Variants in TUB observed in about 807,000 individuals in gnomAD.
The protein encoded by TUB is TUB bipartite transcription factor.
In TUB, 33 loss-of-function variants were observed where a neutral mutation model predicts 59.7. The observed-to-expected ratio is 0.55, with a 90% confidence interval of 0.42 to 0.74. The LOEUF (loss-of-function observed/expected upper bound fraction) is 0.74. Among genes scored for constraint, TUB ranks in the 30% least tolerant of loss-of-function variants. The pLI is 0.00. For synonymous variants in TUB, 293 were observed against 256.4 expected (o/e 1.14, Z -1.36); for missense variants, 659 against 672.0 (o/e 0.98, Z 0.21).
intron 1 of TUB, among the ~76,000 whole-genome samples, chr11:8,031,546 C>G (rs889342801): frequency 2.6e-5 from 4 of 152,198 alleles, no homozygotes; most frequent in African/African-American, 9.7e-5. Context: ...AGGCCCAACC[C>G]ATGGGAGTTG....
chr11:8,097,904 T>C, intron 8 of TUB, 78 bp downstream of exon 8: 1 of 1,101,742 alleles, frequency 9.1e-7, no homozygotes, highest in Middle Eastern at 2.2e-4. Flanking sequence ...GGCCTGAATC[T>C]TCCTGAAGGA....
chr11:8,085,627 T>C (rs1231428439), intron 1 of TUB, among the ~76,000 whole-genome samples: 7 of 152,192 alleles, frequency 4.6e-5, no homozygotes, highest in Non-Finnish European at 1.0e-4. Context: ...CAGGGGTAGC[T>C]TCCACTGTGA....
Position 8,081,459 on chromosome 11 carries a change from C to T in TUB, c.-52C>T. On this transcript the variant is annotated 5_prime_UTR_variant, in exon 1 of 12. Transcript: ENST00000299506. ...GCTGAGCAGGGCCCCCGCGCCGGCC[C>T]CTCCGGGCCCCGGCCTCCAGAGCCG... 4 of 1,413,242 alleles carry T rather than the reference C, an allele frequency of 2.8e-6. No homozygotes were observed. Among genetic ancestry groups the T allele is most frequent in the Non-Finnish European group, 3.7e-6 (4 of 1,087,354 alleles). 87.5% of individuals were successfully genotyped at this position (1,413,242 alleles called of 1,614,324 possible). A position where few individuals can be genotyped will look rare whatever the true frequency, so the allele number is the denominator to read the frequency against.
At chr11:8,023,292 G>A (rs577876524) in intron 1 of TUB, among the ~76,000 whole-genome samples, 1 of 152,288 alleles carries the variant, frequency 6.6e-6, no homozygotes, top group South Asian at 2.1e-4. Context: ...CATTTCAGGG[G>A]TGGGGAAACA....
rs754417087 is a variant in TUB, at chr11:8,081,567, G to C, written c.38+19G>C. 5.2e-5 allele frequency: 79 copies of C among 1,524,836 alleles called. No individual in the cohort carries two copies. In the East Asian group the frequency reaches 1.8e-3, roughly 34 times the overall value. The allele number at this position is 1,524,836 out of a possible 1,614,324, so 94.5% of individuals were successfully genotyped here. A position where few individuals can be genotyped will look rare whatever the true frequency, so the allele number is the denominator to read the frequency against. Reference sequence around the variant, plus strand: ...CCTACAGGTACGCGGGCGCCGGGCCGGGGCGCCCACCACTCCCGACTCGGG... The same window carrying C: ...CCTACAGGTACGCGGGCGCCGGGCCCGGGCGCCCACCACTCCCGACTCGGG... On this transcript the variant is annotated intron_variant, in intron 1 of 11. Transcript: ENST00000299506.
At chr11:8,096,560 T>G (rs527660201) in intron 5 of TUB, 125 bp from the exon 6 acceptor site, 5 of 713,796 alleles carry the variant, frequency 7.0e-6, no homozygotes, top group East Asian at 2.5e-5. Flanking sequence ...TGGCTAAGAG[T>G]GTGTGCATAA....
chr11:8,026,793 A>G (rs941531446), intron 1 of TUB, among the ~76,000 whole-genome samples: 11 of 152,174 alleles, frequency 7.2e-5, no homozygotes, highest in African/African-American at 1.9e-4. Context: ...CATCCCCCCA[A>G]AAAACCTGCT....
Position 8,101,857 on chromosome 11 carries a change from C to CGAG in TUB, c.*238_*239insGAG. Reference sequence around the variant, plus strand: ...AGGGATGAGAATAATTCTTTCCATGCCACGAGATCAACACACACTCCCACC... The same window carrying CGAG: ...AGGGATGAGAATAATTCTTTCCATGCGAGCACGAGATCAACACACACTCCCACC... On this transcript the variant is annotated 3_prime_UTR_variant, in exon 12 of 12. Coordinates refer to ENST00000299506, the MANE Select transcript of TUB (RefSeq NM_177972.3). 6.9e-6 allele frequency: 4 copies of CGAG among 576,020 alleles called. No homozygotes were observed. The highest frequency in any genetic ancestry group is 2.4e-5 in the South Asian group (1 of 40,964). The allele number at this position is 576,020 out of a possible 1,614,324, so 35.7% of individuals were successfully genotyped here. A position where few individuals can be genotyped will look rare whatever the true frequency, so the allele number is the denominator to read the frequency against.
chr11:8,085,518 G>A lies in TUB; in HGVS notation c.38+3970G>A, dbSNP rs542228001. Among the ~76,000 whole-genome samples the A allele has an allele frequency of 1.6e-4, 24 of 152,332 alleles. 1 individual carries two copies. In the South Asian group the frequency reaches 4.8e-3, roughly 30 times the overall value. On this transcript the variant is annotated intron_variant, in intron 1 of 11. Transcript: ENST00000299506. ...CAGAAGCCACAGATCTGGACTTGCCGGGGGTCCAGGGTTGCAGCCAGGGGC... is the reference window on the plus strand; with the variant it reads ...CAGAAGCCACAGATCTGGACTTGCCAGGGGTCCAGGGTTGCAGCCAGGGGC...
At position 8,081,565 on chromosome 11, in the gene TUB, C is replaced by G; in HGVS notation, c.38+17C>G. 2 of 1,526,796 alleles carry G rather than the reference C, an allele frequency of 1.3e-6. No individual in the cohort carries two copies. Among genetic ancestry groups the G allele is most frequent in the Non-Finnish European group, 1.8e-6 (2 of 1,141,016 alleles). The allele number at this position is 1,526,796 out of a possible 1,614,324, so 94.6% of individuals were successfully genotyped here. A position where few individuals can be genotyped will look rare whatever the true frequency, so the allele number is the denominator to read the frequency against. Reference sequence around the variant, plus strand: ...TCCCTACAGGTACGCGGGCGCCGGGCCGGGGCGCCCACCACTCCCGACTCG... The same window carrying G: ...TCCCTACAGGTACGCGGGCGCCGGGGCGGGGCGCCCACCACTCCCGACTCG... On this transcript the variant is annotated intron_variant, in intron 1 of 11. Transcript: ENST00000299506.
At chr11:8,039,598 G>A in intron 1 of TUB, 2 of 1,425,874 alleles carry the variant, frequency 1.4e-6, no homozygotes, top group Admixed American at 2.7e-5. Flanking sequence ...GGATGATGAG[G>A]TGAGGCTGCA....
chr11:8,079,658 GCA>G (rs1461193709), upstream of TUB, among the ~76,000 whole-genome samples: 2 of 120,868 alleles, frequency 1.7e-5, no homozygotes, highest in Non-Finnish European at 3.9e-5. Flanking sequence ...ATGTGTGTGT[GCA>G]TGCATGTGTG....
chr11:8,089,459 A>G, intron 1 of TUB, 151 bp from the exon 2 acceptor site: 1 of 924,554 alleles, frequency 1.1e-6, no homozygotes, highest in South Asian at 1.6e-5. Context: ...GGCAGGCTCC[A>G]CCCTTCCTCC....
At chr11:8,036,725 C>T (rs902501098), upstream of TUB, among the ~76,000 whole-genome samples, 3 of 152,188 alleles carry the variant, frequency 2.0e-5, no homozygotes, top group Admixed American at 2.0e-4. Flanking sequence ...GAGCTATGAC[C>T]CTTGAGAGAT....
chr11:8,074,708 C>G (rs535749411), intron 2 of TUB, among the ~76,000 whole-genome samples: 15 of 149,458 alleles, frequency 1.0e-4, no homozygotes, highest in African/African-American at 3.2e-4. Context: ...CACTTATACT[C>G]CAGCCTGGGT....
At chr11:8,032,026 G>A (rs1483241412) in intron 1 of TUB, among the ~76,000 whole-genome samples, 1 of 152,178 alleles carries the variant, frequency 6.6e-6, no homozygotes, top group African/African-American at 2.4e-5. Flanking sequence ...GGCAGCAGCT[G>A]GACAGAGAGA....
At chr11:8,048,038 G>A (rs1373510790) in intron 2 of TUB, among the ~76,000 whole-genome samples, 2 of 151,252 alleles carry the variant, frequency 1.3e-5, no homozygotes, top group Non-Finnish European at 2.9e-5. Context: ...TCATTGTTGT[G>A]TCCTCAGCCT....
chr11:8,032,318 C>G (rs374219916), intron 1 of TUB, among the ~76,000 whole-genome samples: 2 of 152,168 alleles, frequency 1.3e-5, no homozygotes, highest in African/African-American at 4.8e-5. Context: ...GAAGTAGGCT[C>G]GTAGCCGGTG....
At chr11:8,056,846 CAAGT>C (rs1246010947) in intron 2 of TUB, among the ~76,000 whole-genome samples, 2 of 151,878 alleles carry the variant, frequency 1.3e-5, no homozygotes, top group Admixed American at 6.6e-5. Flanking sequence ...TGGTGTGTCT[CAAGT>C]AAGGTGTGGG....
Sources: allele counts gnomAD v4.1 joint callset (sites outside exome capture counted in the v4.1 genomes callset), GRCh38; gene constraint gnomAD v4.1.1; transcripts MANE v1.5; gene names NCBI Gene and HGNC (gene_info 2026-07-23, HGNC 2026-07-21).